The following QKI variants were observed in gnomAD, a reference collection of about 807,000 sequenced individuals.
The protein encoded by QKI is QKI, KH domain containing RNA binding.
QKI carries 10 observed loss-of-function variants against 39.0 expected under a neutral mutation model. That is an observed-to-expected ratio of 0.26 (90% confidence interval 0.16 to 0.43). The LOEUF (loss-of-function observed/expected upper bound fraction) is 0.43, where lower values mean the gene tolerates loss of function less well. Ranked by LOEUF, QKI falls within the 20% of genes least tolerant of loss-of-function variation. The pLI, the probability that QKI is intolerant of heterozygous loss-of-function variation, is 1.00. For missense variants in QKI, 218 were observed against 428.0 expected (o/e 0.51, Z 4.33); for synonymous variants, 204 against 155.4 (o/e 1.31, Z -2.33).
intron 1 of QKI, chr6:163,415,837 G>A (rs1027102492): frequency 5.6e-5 from 27 of 478,806 alleles, no homozygotes; most frequent in African/African-American, 1.8e-4. Flanking sequence ...CCTCCCGTGA[G>A]GACTAAAGCG....
intron 4 of QKI, among the ~76,000 whole-genome samples, chr6:163,548,117 T>C (rs1782003920): frequency 6.6e-6 from 1 of 152,198 alleles, no homozygotes; most frequent in Non-Finnish European, 1.5e-5. Context: ...TCTGTACTAA[T>C]ATTATAGTAG....
rs757830059 is a variant in QKI, at chr6:163,563,715, A to G, written c.930A>G (p.Val310=). ...ILEYPIEPSG[V]LGAVATKVRR... ...AGTATCCTATTGAACCTAGTGGTGTATTAGGTAAGTTCTTCTCCCCATGGG... is the reference window on the plus strand; with the variant it reads ...AGTATCCTATTGAACCTAGTGGTGTGTTAGGTAAGTTCTTCTCCCCATGGG... Residue 310 remains valine, a synonymous_variant, in exon 6 of 8, where the codon GTA becomes GTG. Transcript: ENST00000361752. 60 of 1,612,734 alleles carry G rather than the reference A, an allele frequency of 3.7e-5. No homozygotes were observed. The highest frequency in any genetic ancestry group is 4.6e-5 in the Non-Finnish European group (54 of 1,179,106).
intron 5 of QKI, 119 bp downstream of exon 5, chr6:163,562,188 C>A: frequency 1.8e-6 from 1 of 560,994 alleles, no homozygotes; most frequent in South Asian, 3.3e-5. Flanking sequence ...AATAACTGTT[C>A]TGTCACTTGA....
At chr6:163,452,920 G>A (rs1386145216) in intron 1 of QKI, among the ~76,000 whole-genome samples, 4 of 152,036 alleles carry the variant, frequency 2.6e-5, no homozygotes, top group Non-Finnish European at 5.9e-5. Context: ...TAGAGACGGG[G>A]TTTCACTATG....
intron 3 of QKI, among the ~76,000 whole-genome samples, chr6:163,517,069 CTCTCTCTCTCTT>C (rs1335808822): frequency 7.7e-5 from 6 of 78,184 alleles, no homozygotes; most frequent in African/African-American, 3.9e-4. Context: ...CTCTCTCTCT[CTCTCTCTCTCTT>C]TCTCTCTCTC....
At chr6:163,471,978 C>G (rs1181446371) in intron 2 of QKI, among the ~76,000 whole-genome samples, 2 of 152,074 alleles carry the variant, frequency 1.3e-5, no homozygotes, top group East Asian at 1.9e-4. Flanking sequence ...AAAGGCATCT[C>G]TAGAGATAAT....
intron 3 of QKI, among the ~76,000 whole-genome samples, chr6:163,527,431 A>C (rs1476884505): frequency 1.3e-5 from 2 of 152,112 alleles, no homozygotes; most frequent in Non-Finnish European, 2.9e-5. Context: ...AACACTTTTG[A>C]ATTCTGTTTG....
chr6:163,461,985 G>A (rs991825393), intron 2 of QKI, among the ~76,000 whole-genome samples: 3 of 152,116 alleles, frequency 2.0e-5, no homozygotes, highest in East Asian at 1.9e-4. Context: ...CAGTTTGGGC[G>A]GAAAAGTACC....
At chr6:163,487,721 A>G (rs1249335804) in intron 3 of QKI, among the ~76,000 whole-genome samples, 1 of 151,990 alleles carries the variant, frequency 6.6e-6, no homozygotes, top group Non-Finnish European at 1.5e-5. Flanking sequence ...GTAAATTGGT[A>G]ATGACAAAGG....
Position 163,494,260 on chromosome 6 carries a change from A to G in QKI, c.402+15364A>G, listed in dbSNP as rs572175634. Among the ~76,000 whole-genome samples the G allele has an allele frequency of 8.7e-4, 132 of 152,374 alleles. 3 individuals carry two copies. In the South Asian group the frequency reaches 0.025, roughly 29 times the overall value. On this transcript the variant is annotated intron_variant, in intron 3 of 7. Coordinates refer to ENST00000361752, the MANE Select transcript of QKI (RefSeq NM_006775.3). ...TTAAGTAATCTAGTGATTAAAGTAT[A>G]TGGAGGATGAGCCTGAGTTCTGTGC...
intron 4 of QKI, among the ~76,000 whole-genome samples, chr6:163,553,587 A>G (rs1173911863): frequency 2.0e-5 from 3 of 152,074 alleles, no homozygotes; most frequent in Non-Finnish European, 4.4e-5. Context: ...GCTAGTATGT[A>G]GCCGGAGTTG....
At chr6:163,508,691 A>G (rs1437673562) in intron 3 of QKI, among the ~76,000 whole-genome samples, 1 of 151,358 alleles carries the variant, frequency 6.6e-6, no homozygotes, top group African/African-American at 2.4e-5. Context: ...TACCACACCC[A>G]GCTAATTTTT....
At chr6:163,475,443 T>C (rs1792514888) in intron 2 of QKI, among the ~76,000 whole-genome samples, 1 of 152,170 alleles carries the variant, frequency 6.6e-6, no homozygotes, top group Non-Finnish European at 1.5e-5. Context: ...ATAAATTATA[T>C]TGGAGGTTGT....
intron 7 of QKI, chr6:163,569,468 C>T: frequency 2.3e-6 from 3 of 1,279,588 alleles, no homozygotes; most frequent in Non-Finnish European, 3.0e-6. Flanking sequence ...AAAATTCTAT[C>T]AAACCTCAGA....
chr6:163,472,187 A>G (rs887547875), intron 2 of QKI, among the ~76,000 whole-genome samples: 21 of 152,232 alleles, frequency 1.4e-4, no homozygotes, highest in Non-Finnish European at 3.1e-4. Flanking sequence ...TTTGTATGTT[A>G]CATGTATTAA....
At chr6:163,453,937 A>T (rs376954226) in intron 1 of QKI, among the ~76,000 whole-genome samples, 1 of 152,150 alleles carries the variant, frequency 6.6e-6, no homozygotes. Flanking sequence ...GTTGGATTTT[A>T]TTTAACCGAA....
At chr6:163,472,420 G>T (rs75649513) in intron 2 of QKI, among the ~76,000 whole-genome samples, 3,398 of 152,052 alleles carry the variant, frequency 0.022, 122 homozygotes, top group African/African-American at 0.077. Flanking sequence ...GAGGTGGGAG[G>T]GGTGTCATAC....
chr6:163,466,618 A>G (rs1791775916), intron 2 of QKI, among the ~76,000 whole-genome samples: 1 of 152,214 alleles, frequency 6.6e-6, no homozygotes, highest in Admixed American at 6.5e-5. Context: ...TGACTACACA[A>G]TGGAGAAAGA....
intron 3 of QKI, among the ~76,000 whole-genome samples, chr6:163,521,389 G>A (rs1780145219): frequency 6.6e-6 from 1 of 152,088 alleles, no homozygotes; most frequent in African/African-American, 2.4e-5. Flanking sequence ...AAATATTTTA[G>A]ATTAACATAT....
Sources: allele counts gnomAD v4.1 joint callset (sites outside exome capture counted in the v4.1 genomes callset), GRCh38; gene constraint gnomAD v4.1.1; transcripts MANE v1.5; gene names NCBI Gene and HGNC (gene_info 2026-07-23, HGNC 2026-07-21).